CDKAL1: variants seen among roughly 807,000 people sequenced by gnomAD.
CDKAL1 encodes the protein threonylcarbamoyladenosine tRNA methylthiotransferase.
A neutral mutation model predicts 68.2 loss-of-function variants in CDKAL1; 32 were observed. The ratio of observed to expected loss-of-function variants is 0.47; its 90% confidence interval spans 0.35 to 0.63. The LOEUF is 0.63. Ranked by LOEUF, CDKAL1 falls within the 30% of genes least tolerant of loss-of-function variation. CDKAL1 has a pLI of 0.00. For synonymous variants in CDKAL1, 234 were observed against 244.3 expected (o/e 0.96, Z 0.39); for missense variants, 606 against 696.7 (o/e 0.87, Z 1.47).
rs547770906 is a variant in CDKAL1, at chr6:21,121,001, G to C, written c.1299+12538G>C. On this transcript the variant is annotated intron_variant, in intron 13 of 15. Transcript: ENST00000274695. ...AAGTGAATATCTAGATATTAGATGTGTACATATTAAATCATGATAGATATT... is the reference window on the plus strand; with the variant it reads ...AAGTGAATATCTAGATATTAGATGTCTACATATTAAATCATGATAGATATT... 2.0e-5 allele frequency among the ~76,000 whole-genome samples: 3 copies of C among 152,242 alleles called. No individual in the cohort carries two copies. The East Asian group carries it at 5.8e-4, about 29-fold the overall frequency.
intron 9 of CDKAL1, among the ~76,000 whole-genome samples, chr6:20,917,680 T>C (rs776640508): frequency 7.9e-5 from 12 of 152,146 alleles, no homozygotes; most frequent in Non-Finnish European, 1.5e-4. Context: ...GTCCCCAAAG[T>C]CCATTGTATC....
intron 9 of CDKAL1, among the ~76,000 whole-genome samples, chr6:20,915,158 T>C (rs1387600030): frequency 6.7e-6 from 1 of 149,334 alleles, no homozygotes; most frequent in East Asian, 1.9e-4. Context: ...ACAGATTATT[T>C]ATATAATGGC....
At chr6:20,750,643 T>C (rs543840256) in intron 6 of CDKAL1, among the ~76,000 whole-genome samples, 1 of 152,246 alleles carries the variant, frequency 6.6e-6, no homozygotes, top group South Asian at 2.1e-4. Flanking sequence ...GATATCCTTG[T>C]GCCTCAAATC....
intron 4 of CDKAL1, among the ~76,000 whole-genome samples, chr6:20,561,624 CA>C (rs1764273387): frequency 6.6e-6 from 1 of 151,778 alleles, no homozygotes; most frequent in Non-Finnish European, 1.5e-5. Context: ...TTAAATGAAT[CA>C]GTATATGTAA....
intron 13 of CDKAL1, among the ~76,000 whole-genome samples, chr6:21,147,082 T>TG (rs887741447): frequency 3.9e-5 from 6 of 152,034 alleles, no homozygotes; most frequent in South Asian, 2.1e-4. Context: ...GATTGACTGG[T>TG]GGGGGGGAAG....
intron 11 of CDKAL1, among the ~76,000 whole-genome samples, chr6:21,017,263 G>T (rs1255545568): frequency 6.7e-6 from 1 of 149,674 alleles, no homozygotes; most frequent in Admixed American, 6.6e-5. Context: ...AATCTTTGTT[G>T]AATGAAGGGT....
At chr6:21,096,943 C>A (rs1773346716) in intron 12 of CDKAL1, among the ~76,000 whole-genome samples, 1 of 152,124 alleles carries the variant, frequency 6.6e-6, no homozygotes, top group Non-Finnish European at 1.5e-5. Context: ...GTTAAAGGAA[C>A]ATTTTAAATT....
intron 13 of CDKAL1, among the ~76,000 whole-genome samples, chr6:21,181,074 C>A (rs1339506621): frequency 6.6e-6 from 1 of 152,150 alleles, no homozygotes; most frequent in East Asian, 1.9e-4. Flanking sequence ...AGAAAGAATG[C>A]ATGCATGTGC....
intron 9 of CDKAL1, among the ~76,000 whole-genome samples, chr6:20,913,442 C>A (rs1316113671): frequency 6.6e-6 from 1 of 152,148 alleles, no homozygotes; most frequent in African/African-American, 2.4e-5. Flanking sequence ...TGGCAGCTCA[C>A]AACATGGAAA....
intron 11 of CDKAL1, among the ~76,000 whole-genome samples, chr6:21,064,583 A>G (rs548302398): frequency 2.0e-5 from 3 of 152,220 alleles, no homozygotes; most frequent in South Asian, 2.1e-4. Flanking sequence ...GTGGAAAAAC[A>G]AAACTGAATA....
chr6:20,700,425 A>G (rs1771296360), intron 5 of CDKAL1, among the ~76,000 whole-genome samples: 1 of 152,192 alleles, frequency 6.6e-6, no homozygotes, highest in Non-Finnish European at 1.5e-5. Context: ...TGTGCCTTAA[A>G]TGTTCAATTT....
intron 5 of CDKAL1, among the ~76,000 whole-genome samples, chr6:20,726,492 ACTT>A (rs773482484): frequency 6.6e-6 from 1 of 152,170 alleles, no homozygotes; most frequent in Non-Finnish European, 1.5e-5. Context: ...CGCATTATAA[ACTT>A]CTTTAAATAT....
intron 9 of CDKAL1, among the ~76,000 whole-genome samples, chr6:20,910,379 G>A (rs1350492123): frequency 6.6e-6 from 1 of 152,204 alleles, no homozygotes; most frequent in Non-Finnish European, 1.5e-5. Flanking sequence ...TAAAAATACA[G>A]GAGGCTCATG....
chr6:21,164,562 T>C (rs189207445), intron 13 of CDKAL1, among the ~76,000 whole-genome samples: 1 of 152,364 alleles, frequency 6.6e-6, no homozygotes, highest in East Asian at 1.9e-4. Flanking sequence ...CTAAATTGGC[T>C]TGATGCCATT....
At chr6:20,969,920 G>A (rs1479517852) in intron 10 of CDKAL1, among the ~76,000 whole-genome samples, 1 of 150,842 alleles carries the variant, frequency 6.6e-6, no homozygotes, top group Non-Finnish European at 1.5e-5. Context: ...GCTTTGTATG[G>A]ATATCACATT....
chr6:21,125,580 G>T (rs1275483791), intron 13 of CDKAL1, among the ~76,000 whole-genome samples: 1 of 152,218 alleles, frequency 6.6e-6, no homozygotes, highest in Admixed American at 6.5e-5. Flanking sequence ...GCTGAGGCAG[G>T]AGAATCGCTT....
At chr6:21,023,973 G>A (rs1333544750) in intron 11 of CDKAL1, among the ~76,000 whole-genome samples, 1 of 152,138 alleles carries the variant, frequency 6.6e-6, no homozygotes, top group African/African-American at 2.4e-5. Context: ...GTCCTTGGCT[G>A]AAGAAAGTTT....
At chr6:21,054,811 T>G (rs1298835992) in intron 11 of CDKAL1, among the ~76,000 whole-genome samples, 1 of 152,132 alleles carries the variant, frequency 6.6e-6, no homozygotes, top group Non-Finnish European at 1.5e-5. Context: ...TATATTGATC[T>G]TGTATCCTAC....
intron 13 of CDKAL1, among the ~76,000 whole-genome samples, chr6:21,123,264 G>A (rs1407533046): frequency 6.6e-6 from 1 of 152,080 alleles, no homozygotes; most frequent in Admixed American, 6.6e-5. Context: ...AGACCCGCCT[G>A]GCCAACATGG....
Sources: gnomAD v4.1 joint callset for allele counts (sites outside exome capture counted in the v4.1 genomes callset) on GRCh38, gnomAD v4.1.1 for gene constraint, MANE v1.5 for transcripts, NCBI Gene and HGNC (gene_info 2026-07-23, HGNC 2026-07-21) for gene names.